The following SPEF2 variants were observed in gnomAD, a reference collection of about 807,000 sequenced individuals.
SPEF2 encodes sperm flagella and cilia-associated protein 2.
A neutral mutation model predicts 224.6 loss-of-function variants in SPEF2; 187 were observed. The observed-to-expected ratio is 0.83, with a 90% confidence interval of 0.74 to 0.94. The LOEUF (loss-of-function observed/expected upper bound fraction) is 0.94, where lower values mean the gene tolerates loss of function less well. Among genes scored for constraint, SPEF2 ranks in the 40% least tolerant of loss-of-function variants. The pLI is 0.00. For synonymous variants in SPEF2, 715 were observed against 707.3 expected (o/e 1.01, Z -0.17); for missense variants, 2,170 against 2,135.6 (o/e 1.02, Z -0.32).
intron 10 of SPEF2, among the ~76,000 whole-genome samples, chr5:35,688,245 TTTC>T (rs200686442): frequency 0.22 from 33,366 of 151,812 alleles, 5,180 homozygotes; most frequent in African/African-American, 0.43. Context: ...GTGCTGCTTC[TTTC>T]TTTTTCTTAT....
At chr5:35,766,307 A>C (rs967267927) in intron 26 of SPEF2, among the ~76,000 whole-genome samples, 2 of 151,974 alleles carry the variant, frequency 1.3e-5, no homozygotes, top group African/African-American at 4.8e-5. Context: ...CCCTCCTCCC[A>C]CCCAAGAATT....
At chr5:35,714,598 A>G (rs1742146313) in intron 20 of SPEF2, among the ~76,000 whole-genome samples, 1 of 151,742 alleles carries the variant, frequency 6.6e-6, no homozygotes, top group Admixed American at 6.6e-5. Flanking sequence ...TTAATATTAC[A>G]ATTACATGGC....
At chr5:35,782,844 T>TATG (rs1231434289) in intron 30 of SPEF2, among the ~76,000 whole-genome samples, 2 of 152,208 alleles carry the variant, frequency 1.3e-5, no homozygotes, top group African/African-American at 2.4e-5. Context: ...TTCTGCCACT[T>TATG]ATGATGATTC....
intron 33 of SPEF2, among the ~76,000 whole-genome samples, chr5:35,799,308 C>T (rs1450049343): frequency 6.6e-6 from 1 of 152,116 alleles, no homozygotes; most frequent in Non-Finnish European, 1.5e-5. Context: ...TTGGAGGGCC[C>T]CAGAGGATAT....
intron 16 of SPEF2, among the ~76,000 whole-genome samples, chr5:35,702,799 A>G (rs991928830): frequency 1.3e-5 from 2 of 152,222 alleles, no homozygotes; most frequent in Non-Finnish European, 2.9e-5. Flanking sequence ...AATCCCAATT[A>G]CAAGTTTTTG....
intron 20 of SPEF2, among the ~76,000 whole-genome samples, chr5:35,713,604 C>G (rs1379902933): frequency 6.6e-6 from 1 of 150,538 alleles, no homozygotes; most frequent in African/African-American, 2.4e-5. Context: ...GGCATGGTGG[C>G]ACACACCTGT....
At chr5:35,795,634 T>C in intron 32 of SPEF2, 69 bp from the exon 33 acceptor site, 1 of 1,397,758 alleles carries the variant, frequency 7.2e-7, no homozygotes. Context: ...GCTCAGTCTC[T>C]GTGGCTTTTA....
In SPEF2 at chr5:35,641,717, C is replaced by T. The variant is rs2131988; in HGVS notation, c.414+34C>T. 8.6e-3 allele frequency: 13,563 copies of T among 1,584,410 alleles called. 323 individuals carry two copies. In the East Asian group the frequency reaches 0.093, roughly 11 times the overall value. On this transcript the variant is annotated intron_variant, in intron 3 of 36. Coordinates refer to ENST00000356031, the MANE Select transcript of SPEF2 (RefSeq NM_024867.4). Reference sequence around the variant, plus strand: ...ATAAAAAAGCATAATAAGCATGTCACAGTGTAAAATTTGATAAAGAGAAAT... The same window carrying T: ...ATAAAAAAGCATAATAAGCATGTCATAGTGTAAAATTTGATAAAGAGAAAT...
intron 15 of SPEF2, chr5:35,698,368 A>C (rs1755637202): frequency 6.6e-6 from 1 of 152,204 alleles, no homozygotes; most frequent in Non-Finnish European, 1.5e-5. Context: ...GACATTAAAA[A>C]TTTAAGTTGC....
intron 20 of SPEF2, among the ~76,000 whole-genome samples, chr5:35,726,380 G>A (rs1273619418): frequency 6.6e-6 from 1 of 152,066 alleles, no homozygotes; most frequent in African/African-American, 2.4e-5. Flanking sequence ...CAGAGATTCA[G>A]GTCAAAGGAA....
At chr5:35,708,390 G>A (rs12515119) in intron 18 of SPEF2, among the ~76,000 whole-genome samples, 114,092 of 151,760 alleles carry the variant, frequency 0.75, 43,233 homozygotes, top group Middle Eastern at 0.83. Context: ...CCCACTGGAC[G>A]TTTTCAAACA....
intron 14 of SPEF2, among the ~76,000 whole-genome samples, chr5:35,696,995 A>G (rs1390697044): frequency 2.0e-5 from 3 of 152,144 alleles, no homozygotes; most frequent in Non-Finnish European, 4.4e-5. Flanking sequence ...CATGGGTGAG[A>G]AAGGAAAAGA....
chr5:35,712,570 G>A (rs1236455261), intron 19 of SPEF2, among the ~76,000 whole-genome samples: 1 of 152,178 alleles, frequency 6.6e-6, no homozygotes, highest in Non-Finnish European at 1.5e-5. Flanking sequence ...TTATATTAAA[G>A]TTAGGACTAA....
chr5:35,797,989 T>C (rs534557736), intron 33 of SPEF2, among the ~76,000 whole-genome samples: 24 of 152,256 alleles, frequency 1.6e-4, no homozygotes, highest in African/African-American at 5.1e-4. Context: ...AGTTCCTCTC[T>C]TCTCTCAAAC....
chr5:35,690,945 T>A, intron 10 of SPEF2, 92 bp from the exon 11 acceptor site: 4 of 950,742 alleles, frequency 4.2e-6, no homozygotes, highest in Non-Finnish European at 6.2e-6. Context: ...TTGTTGGCTA[T>A]AATTTGGATT....
chr5:35,778,937 T>C (rs1019417109), intron 29 of SPEF2, among the ~76,000 whole-genome samples, 180 bp from the exon 30 acceptor site: 3 of 152,208 alleles, frequency 2.0e-5, no homozygotes, highest in Admixed American at 6.5e-5. Context: ...TCTGCATTTA[T>C]TTATACCCTG....
intron 24 of SPEF2, 131 bp downstream of exon 24, chr5:35,753,892 TATGAGCTCCAACTCACCAAAAAAGCTA>T (rs2149729597): frequency 9.0e-7 from 1 of 1,110,284 alleles, no homozygotes; most frequent in Non-Finnish European, 1.3e-6. Flanking sequence ...CTATGCCTGG[TATGAGCTCCAACTCACCAAAAAAGCTA>T]GCCGAAATAA....
At position 35,705,780 on chromosome 5, in the gene SPEF2, G is replaced by C; in HGVS notation, c.2637G>C (p.Thr879=). ...GTGAAAAAGTAAAAGAAATTCTTAC[G>C]ACTGAAATAGCAAAAAAAAAGAATA... ...SLCEKVKEIL[T]TEIAKKKNKV... is the part of the protein sequence containing the mutation. Residue 879 remains threonine (T), a synonymous_variant, in exon 18 of 37, where the codon ACG becomes ACC. Coordinates refer to ENST00000356031, the MANE Select transcript of SPEF2 (RefSeq NM_024867.4). 1 of 1,502,402 alleles carries C rather than the reference G, an allele frequency of 6.7e-7. No individual in the cohort carries two copies. Among genetic ancestry groups the C allele is most frequent in the East Asian group, 2.3e-5 (1 of 43,146 alleles). The allele number at this position is 1,502,402 out of a possible 1,614,324, so 93.1% of individuals were successfully genotyped here.
rs111355087 is a variant in SPEF2 at position 35,628,737 on chromosome 5, G to A, written c.161+175G>A. Among the ~76,000 whole-genome samples, 660 of 152,168 alleles carry A rather than the reference G, an allele frequency of 4.3e-3. 6 individuals carry two copies. The highest frequency in any genetic ancestry group is 0.015 in the African/African-American group (625 of 41,502). ...TTCCCAAATAGGTGGGACTACAGGT[G>A]CATGCCACCACGCCTGGCTAATTTT... On this transcript the variant is annotated intron_variant, in intron 2 of 36. Transcript: ENST00000356031.
Sources: allele counts gnomAD v4.1 joint callset (sites outside exome capture counted in the v4.1 genomes callset), GRCh38; gene constraint gnomAD v4.1.1; transcripts MANE v1.5; gene names NCBI Gene and HGNC (gene_info 2026-07-23, HGNC 2026-07-21).